The following EVL variants were observed in gnomAD, a reference collection of about 807,000 sequenced individuals.
EVL encodes ena/VASP-like protein.
In EVL, 21 loss-of-function variants were observed where a neutral mutation model predicts 59.6. The observed-to-expected ratio is 0.35, with a 90% CI of 0.25 to 0.51. The LOEUF (loss-of-function observed/expected upper bound fraction) is 0.51, where lower values mean the gene tolerates loss of function less well. EVL is among the 20% of genes least tolerant of loss of function. EVL has a pLI of 0.97. For synonymous variants in EVL, 198 were observed against 203.5 expected (o/e 0.97, Z 0.23); for missense variants, 462 against 546.6 (o/e 0.85, Z 1.54).
At chr14:100,141,270 C>G (rs772752944) in intron 12 of EVL, 24 bp downstream of exon 12, 4 of 1,612,670 alleles carry the variant, frequency 2.5e-6, no homozygotes, top group African/African-American at 1.3e-5. Flanking sequence ...GTGCCCTTCC[C>G]TCAAGAGGCT....
intron 1 of EVL, among the ~76,000 whole-genome samples, chr14:100,035,203 C>G (rs2061370442): frequency 6.6e-6 from 1 of 152,122 alleles, no homozygotes; most frequent in Non-Finnish European, 1.5e-5. Flanking sequence ...ATTAGAAAAT[C>G]AGAACCTATG....
At chr14:100,055,126 G>A (rs886655249) in intron 1 of EVL, among the ~76,000 whole-genome samples, 16 of 151,998 alleles carry the variant, frequency 1.1e-4, no homozygotes, top group Non-Finnish European at 2.2e-4. Context: ...TTGAACCTGG[G>A]AGGGGGAGGT....
chr14:100,059,726 G>A (rs114171962), intron 1 of EVL, among the ~76,000 whole-genome samples: 28 of 151,830 alleles, frequency 1.8e-4, no homozygotes, highest in Non-Finnish European at 4.0e-4. Flanking sequence ...TGAGTCAGAT[G>A]GGGGGGTGGT....
At chr14:100,079,619 CA>C (rs796552566) in intron 1 of EVL, among the ~76,000 whole-genome samples, 49 of 152,270 alleles carry the variant, frequency 3.2e-4, no homozygotes, top group African/African-American at 1.2e-3. Flanking sequence ...TCACATTTCC[CA>C]AAAAACCTCT....
intron 1 of EVL, among the ~76,000 whole-genome samples, chr14:100,079,211 C>G (rs1186425961): frequency 6.6e-6 from 1 of 152,352 alleles, no homozygotes; most frequent in East Asian, 1.9e-4. Context: ...CTCGCCCATC[C>G]CAGGCTGTTG....
rs570875281 is a variant in EVL at position 99,999,071 on chromosome 14, T to C, written c.5+27014T>C. ...GTAATTTATAAATTTATAATAATTTTCTATAATGTTTTTATTCAACAGTAG... is the reference window on the plus strand; with the variant it reads ...GTAATTTATAAATTTATAATAATTTCCTATAATGTTTTTATTCAACAGTAG... On this transcript the variant is annotated intron_variant, in intron 1 of 13. Coordinates refer to the EVL transcript ENST00000402714. Among the ~76,000 whole-genome samples the C allele has an allele frequency of 4.5e-4, 68 of 152,054 alleles. 1 individual carries two copies. The highest frequency in any genetic ancestry group is 1.5e-3 in the African/African-American group (64 of 41,536).
intron 1 of EVL, among the ~76,000 whole-genome samples, chr14:100,037,013 A>G (rs1489801176): frequency 6.6e-6 from 1 of 152,234 alleles, no homozygotes; most frequent in Non-Finnish European, 1.5e-5. Flanking sequence ...GTGGCTGTCC[A>G]CAAGCCAAGG....
At chr14:100,092,471 A>G (rs1267083025) in intron 2 of EVL, among the ~76,000 whole-genome samples, 5 of 152,178 alleles carry the variant, frequency 3.3e-5, no homozygotes, top group African/African-American at 4.8e-5. Context: ...TCAGTGGTTC[A>G]CACCCATAAT....
At chr14:100,125,253 TACACACACACACACACAC>T (rs34556561) in intron 4 of EVL, among the ~76,000 whole-genome samples, 7 of 119,606 alleles carry the variant, frequency 5.9e-5, no homozygotes, top group East Asian at 5.0e-4. Context: ...AAGGCAGGAA[TACACACACACACACACAC>T]ACACACACAC....
rs561564285 is a variant in EVL, at chr14:99,993,650, T to C, written c.5+21593T>C. Among the ~76,000 whole-genome samples the C allele has an allele frequency of 3.6e-4, 55 of 151,496 alleles. 1 individual carries two copies. In the East Asian group the frequency reaches 5.0e-3, roughly 14 times the overall value. ...TTTGATTACTGCTTCAATTTCTTTATTAATTATAAGTCTTTTCAGATTGTT... is the reference window on the plus strand; with the variant it reads ...TTTGATTACTGCTTCAATTTCTTTACTAATTATAAGTCTTTTCAGATTGTT... On this transcript the variant is annotated intron_variant, in intron 1 of 13. Coordinates refer to the EVL transcript ENST00000402714.
At chr14:100,007,100 G>A (rs904803230) in intron 1 of EVL, among the ~76,000 whole-genome samples, 2 of 151,954 alleles carry the variant, frequency 1.3e-5, no homozygotes, top group Admixed American at 6.6e-5. Context: ...GAAGACGTGC[G>A]CCTGTCACAC....
upstream of EVL, chr14:100,065,310 A>G (rs945976487): frequency 6.3e-5 from 26 of 411,202 alleles, no homozygotes; most frequent in Non-Finnish European, 8.3e-5. Flanking sequence ...TTTTCTACCT[A>G]GGTTTCAGTT....
chr14:100,136,038 C>G, intron 9 of EVL, 70 bp downstream of exon 9: 1 of 1,546,492 alleles, frequency 6.5e-7, no homozygotes, highest in Non-Finnish European at 8.9e-7. Flanking sequence ...ACCCTTCGGA[C>G]AGGACCCTCT....
chr14:100,124,130 G>A (rs1371415298), intron 4 of EVL, among the ~76,000 whole-genome samples: 1 of 152,214 alleles, frequency 6.6e-6, no homozygotes, highest in Non-Finnish European at 1.5e-5. Context: ...GCCTCCCAAG[G>A]TCACATTGCT....
chr14:100,067,419 G>A (rs1190962), intron 1 of EVL, among the ~76,000 whole-genome samples: 127,911 of 152,204 alleles, frequency 0.84, 54,112 homozygotes, highest in Middle Eastern at 0.91. Context: ...GCATGACAAC[G>A]TACAGAATGC....
intron 1 of EVL, among the ~76,000 whole-genome samples, chr14:100,044,554 C>G (rs944182180): frequency 1.7e-4 from 26 of 152,146 alleles, no homozygotes; most frequent in African/African-American, 5.8e-4. Flanking sequence ...GATACTTGTC[C>G]TCTGAGAGCT....
chr14:100,050,911 TA>T (rs756789265), intron 1 of EVL, among the ~76,000 whole-genome samples: 391 of 136,028 alleles, frequency 2.9e-3, no homozygotes, highest in African/African-American at 3.7e-3. Context: ...CCCAGCTAAT[TA>T]AAAAAAAAAA....
intron 1 of EVL, among the ~76,000 whole-genome samples, chr14:99,985,773 G>GAA (rs11339070): frequency 7.2e-6 from 1 of 138,650 alleles, no homozygotes. Flanking sequence ...ATCTCAGAAA[G>GAA]AAAAAAAAAA....
At chr14:99,979,950 C>T (rs1417756310) in intron 1 of EVL, among the ~76,000 whole-genome samples, 1 of 152,140 alleles carries the variant, frequency 6.6e-6, no homozygotes, top group Non-Finnish European at 1.5e-5. Flanking sequence ...TTTTTCTTGT[C>T]ATTATCCCCT....
Sources: gnomAD v4.1 joint callset for allele counts (sites outside exome capture counted in the v4.1 genomes callset) on GRCh38, gnomAD v4.1.1 for gene constraint, MANE v1.5 for transcripts, NCBI Gene and HGNC (gene_info 2026-07-23, HGNC 2026-07-21) for gene names.